Variants in FGD4 observed in about 807,000 individuals in gnomAD.
The protein encoded by FGD4 is FYVE, RhoGEF and PH domain containing 4.
FGD4 carries 42 observed loss-of-function variants against 102.0 expected under a neutral mutation model. That is an observed-to-expected ratio of 0.41 (90% CI 0.32 to 0.53). FGD4 has a LOEUF of 0.53. Among genes scored for constraint, FGD4 ranks in the 20% least tolerant of loss-of-function variants. The pLI, the probability that FGD4 is intolerant of heterozygous loss-of-function variation, is 0.21. For synonymous variants in FGD4, 380 were observed against 375.7 expected, an observed-to-expected ratio of 1.01 and a Z score of -0.13; for missense variants, 902 against 1,078.2, an observed-to-expected ratio of 0.84 and a Z score of 2.29.
rs1345562084 is a variant in FGD4, at chr12:32,399,586, A to G, written c.-208A>G. The G allele has an allele frequency of 3.2e-6, 4 of 1,264,604 alleles. No individual in the cohort carries two copies. The Admixed American group carries it at 1.3e-4, about 40-fold the overall frequency. The allele number at this position is 1,264,604 out of a possible 1,614,324, so 78.3% of individuals were successfully genotyped here. ...GATACCGAGACGCTGCGACTGCCGC[A>G]GGAGTCGCCGCAGCCAAACTCGCCG... On this transcript the variant is annotated 5_prime_UTR_variant, in exon 1 of 17. Transcript: ENST00000534526.
chr12:32,404,922 ATTTATTTTTATTT>A (rs1380632484), intron 1 of FGD4, among the ~76,000 whole-genome samples: 1 of 151,932 alleles, frequency 6.6e-6, no homozygotes, highest in African/African-American at 2.4e-5. Context: ...AGAACAGCTT[ATTTATTTTTATTT>A]TTTATTTTTA....
chr12:32,512,183 T>A (rs1018997824), intron 1 of FGD4, among the ~76,000 whole-genome samples: 13 of 152,068 alleles, frequency 8.5e-5, no homozygotes, highest in African/African-American at 3.1e-4. Context: ...GCAGTGGCTC[T>A]CACCTGTAAT....
chr12:32,596,620 T>C (rs1407394728), intron 4 of FGD4, among the ~76,000 whole-genome samples: 1 of 152,072 alleles, frequency 6.6e-6, no homozygotes, highest in South Asian at 2.1e-4. Flanking sequence ...CTTTTCTCTT[T>C]AAGAGAAATA....
At chr12:32,518,552 A>T (rs188019817) in intron 1 of FGD4, among the ~76,000 whole-genome samples, 1 of 152,058 alleles carries the variant, frequency 6.6e-6, no homozygotes, top group Non-Finnish European at 1.5e-5. Flanking sequence ...TTTTCCATCT[A>T]TGTGTCAGAT....
intron 3 of FGD4, chr12:32,579,526 A>G (rs917011256): frequency 8.5e-5 from 13 of 152,258 alleles, no homozygotes; most frequent in African/African-American, 2.2e-4. Context: ...ATCACTTACT[A>G]TGGGACATTT....
rs771720165 is a variant in FGD4 at position 32,608,104 on chromosome 12, T to G, written c.1543+9T>G. 1 of 1,595,450 alleles carries G rather than the reference T, an allele frequency of 6.3e-7. No homozygotes were observed. Among genetic ancestry groups the G allele is most frequent in the South Asian group, 1.1e-5 (1 of 90,430 alleles). ...CTGGAATGATGCTAAAAGTAAATGC[T>G]TTTTTTTTGTTTTCTCCCTATTTTG... On this transcript the variant is annotated intron_variant, in intron 8 of 16. Transcript: ENST00000534526.
chr12:32,419,793 C>T (rs1057138592), intron 1 of FGD4, among the ~76,000 whole-genome samples: 1 of 151,932 alleles, frequency 6.6e-6, no homozygotes, highest in Admixed American at 6.6e-5. Context: ...CCAAATGCTC[C>T]TTCCGTGGTT....
At chr12:32,582,783 A>G in intron 4 of FGD4, 1 of 361,002 alleles carries the variant, frequency 2.8e-6, no homozygotes, top group Non-Finnish European at 5.1e-6. Context: ...GTTGCTCTAG[A>G]TGTTGGTGCT....
intron 1 of FGD4, among the ~76,000 whole-genome samples, chr12:32,421,969 T>C (rs1239358160): frequency 6.6e-6 from 1 of 151,420 alleles, no homozygotes; most frequent in African/African-American, 2.4e-5. Context: ...TGAAACCCTG[T>C]CTCTACTAAA....
intron 1 of FGD4, among the ~76,000 whole-genome samples, chr12:32,562,219 G>T (rs1206238427): frequency 1.3e-5 from 2 of 152,098 alleles, no homozygotes; most frequent in Non-Finnish European, 2.9e-5. Context: ...CCCTTTCTGT[G>T]GCCCTGCAAG....
At chr12:32,444,386 A>T (rs1057482946) in intron 1 of FGD4, among the ~76,000 whole-genome samples, 2 of 151,938 alleles carry the variant, frequency 1.3e-5, no homozygotes, top group Non-Finnish European at 2.9e-5. Context: ...GGAACTCTGA[A>T]TTAAGCAATT....
chr12:32,404,484 T>G (rs948135334), intron 1 of FGD4, among the ~76,000 whole-genome samples: 6 of 152,092 alleles, frequency 3.9e-5, no homozygotes, highest in Non-Finnish European at 7.3e-5. Flanking sequence ...ATAGGTGGTA[T>G]TATTACAATT....
rs776556112 is a variant in FGD4 at position 32,600,584 on chromosome 12, C to CTTTTTTTTTTTTTTTTTTTTTTT, written c.1102-691_1102-690insTTTTTTTTTTTTTTTTTTTTTTT. ...GTTTTTTGTTTTTCTTTCTTTCTTTCTTTCTTTCTTTTTTTTTTTTTTGTC... is the reference window on the plus strand; with the variant it reads ...GTTTTTTGTTTTTCTTTCTTTCTTTCTTTTTTTTTTTTTTTTTTTTTTTTTTCTTTCTTTTTTTTTTTTTTGTC... On this transcript the variant is annotated intron_variant, in intron 5 of 16. Transcript: ENST00000534526. 2.6e-5 allele frequency: 7 copies of CTTTTTTTTTTTTTTTTTTTTTTT among 267,980 alleles called. 2 individuals are homozygous for CTTTTTTTTTTTTTTTTTTTTTTT. The highest frequency in any genetic ancestry group is 1.6e-4 in the African/African-American group (4 of 25,140). The allele number at this position is 267,980 out of a possible 1,614,324, so 16.6% of individuals were successfully genotyped here. A position where few individuals can be genotyped will look rare whatever the true frequency, so the allele number is the denominator to read the frequency against.
intron 1 of FGD4, among the ~76,000 whole-genome samples, chr12:32,421,556 G>C (rs1159250625): frequency 6.6e-6 from 1 of 152,100 alleles, no homozygotes; most frequent in East Asian, 1.9e-4. Context: ...TTATCTTGTA[G>C]CTTTCTCTAT....
chr12:32,466,729 G>A (rs1304420924), intron 1 of FGD4, among the ~76,000 whole-genome samples: 7 of 151,844 alleles, frequency 4.6e-5, no homozygotes, highest in Non-Finnish European at 8.8e-5. Context: ...TCAGCCAGGC[G>A]TGGTGGCGCA....
intron 4 of FGD4, among the ~76,000 whole-genome samples, chr12:32,595,739 A>G (rs1947840781): frequency 1.3e-5 from 2 of 152,214 alleles, no homozygotes; most frequent in Non-Finnish European, 2.9e-5. Flanking sequence ...CAATGCCAGT[A>G]CTTTATCCCG....
In FGD4 at chr12:32,490,762, G is replaced by A. The variant is rs540062088; in HGVS notation, c.167-73375G>A. ...ATATATTCCTGCAAGGAAAGAAAAG[G>A]AAATGGCTTCACATTGCTGGATGGG... On this transcript the variant is annotated intron_variant, in intron 1 of 16. Coordinates refer to ENST00000534526, the MANE Select transcript of FGD4 (RefSeq NM_001370298.3). Among the ~76,000 whole-genome samples, 3 of 152,254 alleles carry A rather than the reference G, an allele frequency of 2.0e-5. No homozygotes were observed. In the South Asian group the frequency reaches 6.2e-4, roughly 32 times the overall value.
chr12:32,619,648 A>G (rs1423077891), intron 10 of FGD4, 50 bp from the exon 11 acceptor site: 1 of 1,602,536 alleles, frequency 6.2e-7, no homozygotes, highest in South Asian at 1.1e-5. Context: ...AAACCTGATC[A>G]GTTTCCCCTA....
intron 11 of FGD4, among the ~76,000 whole-genome samples, chr12:32,621,231 C>T (rs1309883900): frequency 6.6e-6 from 1 of 151,940 alleles, no homozygotes. Context: ...CAAAAATTAG[C>T]CAGGCATGAT....
Sources: allele counts gnomAD v4.1 joint callset (sites outside exome capture counted in the v4.1 genomes callset), GRCh38; gene constraint gnomAD v4.1.1; transcripts MANE v1.5; gene names NCBI Gene and HGNC (gene_info 2026-07-23, HGNC 2026-07-21).